Variants in SLC35D2 observed in about 807,000 individuals in gnomAD.
SLC35D2 encodes solute carrier family 35 member D2.
A neutral mutation model predicts 41.8 loss-of-function variants in SLC35D2; 43 were observed. That is an observed-to-expected ratio of 1.03 (90% CI 0.81 to 1.33). The LOEUF is 1.33. Among genes scored for constraint, SLC35D2 ranks in the 40% most tolerant of loss-of-function variants. The probability of loss-of-function intolerance (pLI) is 0.00; values close to 1 mark genes in which losing one functional copy is unlikely to be tolerated. For missense variants in SLC35D2, 380 were observed against 408.4 expected (o/e 0.93, Z 0.60); for synonymous variants, 150 against 163.9 (o/e 0.92, Z 0.65).
chr9:96,381,924 C>A (rs977365415), intron 1 of SLC35D2, among the ~76,000 whole-genome samples: 3 of 152,156 alleles, frequency 2.0e-5, no homozygotes, highest in Non-Finnish European at 4.4e-5. Context: ...TCACTTCTAC[C>A]TGGAATGCTC....
At chr9:96,366,113 G>A (rs1264454729) in intron 2 of SLC35D2, among the ~76,000 whole-genome samples, 1 of 151,974 alleles carries the variant, frequency 6.6e-6, no homozygotes, top group Non-Finnish European at 1.5e-5. Context: ...GACCAGCCTG[G>A]GCATCATGGC....
chr9:96,321,104 C>T lies in SLC35D2; in HGVS notation c.*138G>A. 1.6e-6 allele frequency: 1 copy of T among 636,924 alleles called. No homozygotes were observed. The highest frequency in any genetic ancestry group is 2.8e-6 in the Non-Finnish European group (1 of 361,116). 39.5% of individuals were successfully genotyped at this position (636,924 alleles called of 1,614,324 possible). ...GGCTCATCCTGCATATGAGGTAGTT[C>T]TCTTTGCATTTTGCAGATGCTCTCA... On this transcript the variant is annotated 3_prime_UTR_variant, in exon 12 of 12. Coordinates refer to ENST00000253270, the MANE Select transcript of SLC35D2 (RefSeq NM_007001.3).
intron 8 of SLC35D2, among the ~76,000 whole-genome samples, chr9:96,337,930 C>T (rs1253252373): frequency 2.1e-5 from 3 of 141,734 alleles, no homozygotes; most frequent in Non-Finnish European, 3.0e-5. Flanking sequence ...TGCAGTGAGC[C>T]GAGGTCACGC....
intron 4 of SLC35D2, among the ~76,000 whole-genome samples, chr9:96,352,424 C>T (rs959782697): frequency 1.1e-4 from 17 of 152,038 alleles, no homozygotes; most frequent in Admixed American, 4.6e-4. Context: ...CGGGTTCAAG[C>T]GATTCTCCTG....
chr9:96,345,157 A>G (rs1245839082), intron 7 of SLC35D2, 142 bp downstream of exon 7: 2 of 551,790 alleles, frequency 3.6e-6, no homozygotes, highest in African/African-American at 4.0e-5. Flanking sequence ...ACTTATACAG[A>G]CAAGATAATT....
intron 1 of SLC35D2, among the ~76,000 whole-genome samples, chr9:96,371,474 C>CAAAAA (rs539576375): frequency 0.013 from 598 of 46,618 alleles, 70 homozygotes; most frequent in African/African-American, 0.035. Context: ...GACTCTGTCT[C>CAAAAA]AAAAAAAAAA....
chr9:96,318,362 G>A (rs1828108198), downstream of SLC35D2, among the ~76,000 whole-genome samples: 1 of 151,430 alleles, frequency 6.6e-6, no homozygotes, highest in African/African-American at 2.4e-5. Flanking sequence ...GGAGGCTGAG[G>A]TGGGAGGATC....
At chr9:96,351,324 G>C (rs1294867136) in intron 5 of SLC35D2, among the ~76,000 whole-genome samples, 153 bp from the exon 6 acceptor site, 1 of 152,132 alleles carries the variant, frequency 6.6e-6, no homozygotes, top group Non-Finnish European at 1.5e-5. Flanking sequence ...CACTAAAAGT[G>C]TTTCTAAGTC....
At chr9:96,355,219 T>C (rs1410130821) in intron 4 of SLC35D2, among the ~76,000 whole-genome samples, 1 of 151,954 alleles carries the variant, frequency 6.6e-6, no homozygotes, top group Non-Finnish European at 1.5e-5. Context: ...GGTTTCACCA[T>C]GTTGAGCAGG....
At chr9:96,324,885 G>A (rs749168848) in intron 9 of SLC35D2, among the ~76,000 whole-genome samples, 1 of 152,062 alleles carries the variant, frequency 6.6e-6, no homozygotes, top group Non-Finnish European at 1.5e-5. Context: ...CACAACGAAC[G>A]ATGCCTGGCA....
chr9:96,317,493 T>TC (rs1322633746), downstream of SLC35D2, among the ~76,000 whole-genome samples: 1 of 152,160 alleles, frequency 6.6e-6, no homozygotes, highest in Non-Finnish European at 1.5e-5. Flanking sequence ...AGCAAACATT[T>TC]CAACTTTCAA....
chr9:96,358,080 T>TTATATATATATATATATATATATA lies in SLC35D2; in HGVS notation c.347+2050_347+2073dup, dbSNP rs34633441. Among the ~76,000 whole-genome samples the TTATATATATATATATATATATATA allele has an allele frequency of 3.5e-3, 434 of 122,488 alleles. 23 individuals carry two copies. Among genetic ancestry groups the TTATATATATATATATATATATATA allele is most frequent in the African/African-American group, 0.016 (404 of 25,442 alleles). 80.4% of individuals were successfully genotyped at this position (122,488 alleles called of 152,430 possible). A position where few individuals can be genotyped will look rare whatever the true frequency, so the allele number is the denominator to read the frequency against. ...ATGGATAAACAAAATATTATATATT[T>TTATATATATATATATATATATATA]TATATATATATATATATATATATAT... On this transcript the variant is annotated intron_variant, in intron 4 of 11. Transcript: ENST00000253270.
downstream of SLC35D2, chr9:96,320,663 T>C (rs1406452460): frequency 6.6e-6 from 1 of 152,194 alleles, no homozygotes; most frequent in Non-Finnish European, 1.5e-5. Context: ...TTGTGAATGA[T>C]GGGCACCGTT....
chr9:96,379,234 G>A (rs1329247576), intron 1 of SLC35D2, among the ~76,000 whole-genome samples: 1 of 151,772 alleles, frequency 6.6e-6, no homozygotes, highest in Non-Finnish European at 1.5e-5. Context: ...TTGAGCCCAG[G>A]AGGTAGAGGC....
chr9:96,354,810 T>C (rs1460714998), intron 4 of SLC35D2, among the ~76,000 whole-genome samples: 1 of 139,506 alleles, frequency 7.2e-6, no homozygotes, highest in Non-Finnish European at 1.6e-5. Flanking sequence ...AGCAATTTCA[T>C]CTAAAATAGC....
Position 96,351,146 on chromosome 9 carries a change from G to C in SLC35D2, c.445C>G (p.Leu149Val), listed in dbSNP as rs1361799138. 2.5e-6 allele frequency: 4 copies of C among 1,611,934 alleles called. No individual in the cohort carries two copies. The Admixed American group carries it at 6.7e-5, about 27-fold the overall frequency. ...CCGAGAATAATGGCAAAGACACTGA[G>C]GATGATGTTGAGTGAATACTGCTTC... ...LGKQYSLNII[L>V]SVFAIILGAF... Residue 149 changes from leucine to valine, a missense_variant, in exon 6 of 12, where the codon CTC (leucine) becomes GTC (valine). Transcript: ENST00000253270.
At chr9:96,377,065 C>T (rs1009611642) in intron 1 of SLC35D2, among the ~76,000 whole-genome samples, 1 of 151,324 alleles carries the variant, frequency 6.6e-6, no homozygotes, top group African/African-American at 2.4e-5. Context: ...TAGAGTGGCT[C>T]TCAGCGGACC....
At chr9:96,347,177 C>T (rs992283503) in intron 6 of SLC35D2, among the ~76,000 whole-genome samples, 1 of 152,146 alleles carries the variant, frequency 6.6e-6, no homozygotes, top group African/African-American at 2.4e-5. Context: ...CTTACCTACC[C>T]ACATGTGATT....
At position 96,351,976 on chromosome 9, in the gene SLC35D2, TG is replaced by T. The variant is rs1829830511; in HGVS notation, c.419+61del. 4.7e-6 allele frequency: 5 copies of T among 1,070,650 alleles called. No individual in the cohort carries two copies. The South Asian group carries it at 6.9e-5, about 15-fold the overall frequency. 66.3% of individuals were successfully genotyped at this position (1,070,650 alleles called of 1,614,324 possible). On this transcript the variant is annotated intron_variant, in intron 5 of 11. Transcript: ENST00000253270. ...ACTAGCAATGGCTACTAGAATTTGC[TG>T]GGTAAAAGAAATGCAGTGGGTGGGA...
Sources: gnomAD v4.1 joint callset for allele counts (sites outside exome capture counted in the v4.1 genomes callset) on GRCh38, gnomAD v4.1.1 for gene constraint, MANE v1.5 for transcripts, NCBI Gene and HGNC (gene_info 2026-07-23, HGNC 2026-07-21) for gene names.